MAP3K5: variants seen among roughly 807,000 people sequenced by gnomAD.
The protein encoded by MAP3K5 is mitogen-activated protein kinase kinase kinase 5, also known as ASK-1.
In MAP3K5, 56 loss-of-function variants were observed where a neutral mutation model predicts 158.7. That is an observed-to-expected ratio of 0.35 (90% CI 0.28 to 0.44). The LOEUF (loss-of-function observed/expected upper bound fraction) is 0.44. Among genes scored for constraint, MAP3K5 ranks in the 20% least tolerant of loss-of-function variants. The pLI, the probability that MAP3K5 is intolerant of heterozygous loss-of-function variation, is 1.00. For synonymous variants in MAP3K5, 579 were observed against 601.7 expected, an observed-to-expected ratio of 0.96 and a Z score of 0.55; for missense variants, 1,294 against 1,674.8, an observed-to-expected ratio of 0.77 and a Z score of 3.97.
At chr6:136,631,517 T>A (rs1777351182) in intron 14 of MAP3K5, among the ~76,000 whole-genome samples, 1 of 151,920 alleles carries the variant, frequency 6.6e-6, no homozygotes, top group Non-Finnish European at 1.5e-5. Context: ...ACTTTTTTTT[T>A]TCTTTTTTTT....
In MAP3K5 at chr6:136,705,205, A is replaced by G. The variant is rs554483508; in HGVS notation, c.589-72T>C. ...ATAATTCAACAACATTTATTGAACT[A>G]TGTGGGAAAATTTGTATTAACAATG... On this transcript the variant is annotated intron_variant, in intron 2 of 29. Coordinates refer to ENST00000359015, the MANE Select transcript of MAP3K5 (RefSeq NM_005923.4). 1.3e-5 allele frequency: 9 copies of G among 710,048 alleles called. No homozygotes were observed. The Admixed American group carries it at 2.5e-4, about 19-fold the overall frequency. The allele number at this position is 710,048 out of a possible 1,614,324, so 44.0% of individuals were successfully genotyped here. A position where few individuals can be genotyped will look rare whatever the true frequency, so the allele number is the denominator to read the frequency against.
chr6:136,612,970 G>T, intron 17 of MAP3K5, 150 bp downstream of exon 17: 1 of 713,630 alleles, frequency 1.4e-6, no homozygotes, highest in Non-Finnish European at 2.2e-6. Context: ...AACTGATTCA[G>T]GGTTGAACGA....
At chr6:136,792,722 G>C (rs1216444220), upstream of MAP3K5, among the ~76,000 whole-genome samples, 1 of 152,196 alleles carries the variant, frequency 6.6e-6, no homozygotes, top group African/African-American at 2.4e-5. The surrounding 1 kb of genome is among the most constrained non-coding windows in gnomAD (Gnocchi z 5.7). Flanking sequence ...CTCCCTCTTA[G>C]GCGGCAGCTC....
At chr6:136,635,242 C>T (rs1010903045) in intron 14 of MAP3K5, among the ~76,000 whole-genome samples, 5 of 151,420 alleles carry the variant, frequency 3.3e-5, no homozygotes, top group African/African-American at 1.2e-4. Flanking sequence ...TTTTCAATTT[C>T]TTTAAGTTTT....
intron 1 of MAP3K5, among the ~76,000 whole-genome samples, chr6:136,747,619 G>A (rs1429172744): frequency 6.6e-6 from 1 of 152,162 alleles, no homozygotes; most frequent in Non-Finnish European, 1.5e-5. Flanking sequence ...ATGGATTGAA[G>A]AATAAGTGGG....
At chr6:136,666,952 A>C (rs1241414745) in intron 8 of MAP3K5, among the ~76,000 whole-genome samples, 1 of 152,244 alleles carries the variant, frequency 6.6e-6, no homozygotes, top group Non-Finnish European at 1.5e-5. Context: ...ATGTATTACA[A>C]GTGAGTTCTT....
intron 1 of MAP3K5, among the ~76,000 whole-genome samples, chr6:136,772,238 G>A (rs184837462): frequency 4.1e-4 from 62 of 150,698 alleles, no homozygotes; most frequent in Middle Eastern, 3.4e-3. Flanking sequence ...ATTATTTTGA[G>A]GGGGGGGGAG....
At chr6:136,619,899 C>T (rs1776726943) in intron 15 of MAP3K5, among the ~76,000 whole-genome samples, 1 of 152,190 alleles carries the variant, frequency 6.6e-6, no homozygotes, top group African/African-American at 2.4e-5. Flanking sequence ...GGAGGTTAGC[C>T]TGAGCAGCTG....
chr6:136,638,825 A>G (rs567049982), intron 13 of MAP3K5, among the ~76,000 whole-genome samples: 45 of 152,366 alleles, frequency 3.0e-4, no homozygotes, highest in African/African-American at 1.0e-3. Context: ...AATTATTTAA[A>G]TAAGAACAAT....
intron 8 of MAP3K5, among the ~76,000 whole-genome samples, chr6:136,664,908 G>A (rs1176701128): frequency 1.3e-5 from 2 of 152,062 alleles, no homozygotes; most frequent in Non-Finnish European, 2.9e-5. Flanking sequence ...TCCAGACCTG[G>A]GTGACAAGAG....
chr6:136,608,611 C>T (rs1776201995), intron 18 of MAP3K5, among the ~76,000 whole-genome samples: 1 of 152,092 alleles, frequency 6.6e-6, no homozygotes, highest in Non-Finnish European at 1.5e-5. Flanking sequence ...AATTAATTCC[C>T]TTTGGCCTGT....
chr6:136,786,800 CTTT>C (rs11296757), intron 1 of MAP3K5, among the ~76,000 whole-genome samples: 21 of 101,130 alleles, frequency 2.1e-4, no homozygotes, highest in African/African-American at 4.9e-4. Flanking sequence ...TTAAGTTCTT[CTTT>C]TTTTTTTTTT....
chr6:136,767,319 T>TAGAAAGGAAGGAAGAAA (rs1352798589), intron 1 of MAP3K5, among the ~76,000 whole-genome samples: 2 of 131,268 alleles, frequency 1.5e-5, no homozygotes, highest in Non-Finnish European at 3.2e-5. Context: ...GGAGAGAGAA[T>TAGAAAGGAAGGAAGAAA]AGAAAGGAAG....
chr6:136,590,674 G>A (rs1775345065), intron 23 of MAP3K5, among the ~76,000 whole-genome samples: 2 of 151,950 alleles, frequency 1.3e-5, no homozygotes, highest in Non-Finnish European at 2.9e-5. Context: ...CCACGTAGCT[G>A]GGACTACAGG....
intron 8 of MAP3K5, among the ~76,000 whole-genome samples, chr6:136,667,726 C>T (rs1431933874): frequency 6.6e-6 from 1 of 151,530 alleles, no homozygotes; most frequent in South Asian, 2.1e-4. Flanking sequence ...TGGTATATGC[C>T]TGTAGTCTCA....
intron 15 of MAP3K5, among the ~76,000 whole-genome samples, chr6:136,616,356 G>A (rs920809925): frequency 6.7e-6 from 1 of 149,636 alleles, no homozygotes; most frequent in South Asian, 2.1e-4. Flanking sequence ...CCAGGCTGGG[G>A]TGCAATGGCG....
At chr6:136,737,354 G>GT (rs1199435925) in intron 1 of MAP3K5, among the ~76,000 whole-genome samples, 1 of 152,006 alleles carries the variant, frequency 6.6e-6, no homozygotes, top group Non-Finnish European at 1.5e-5. Context: ...AATTCACCCC[G>GT]TAACAAACCT....
chr6:136,668,998 T>C (rs958034662), intron 8 of MAP3K5, among the ~76,000 whole-genome samples: 2 of 152,040 alleles, frequency 1.3e-5, no homozygotes, highest in African/African-American at 2.4e-5. Flanking sequence ...GAGTTGGGGG[T>C]TGAATGCAGA....
At chr6:136,558,568 T>C (rs1830357685) in intron 29 of MAP3K5, among the ~76,000 whole-genome samples, 1 of 152,142 alleles carries the variant, frequency 6.6e-6, no homozygotes, top group East Asian at 1.9e-4. Context: ...CTGCATCTTA[T>C]TCAAAAAAAT....
Sources: gnomAD v4.1 joint callset for allele counts (sites outside exome capture counted in the v4.1 genomes callset) on GRCh38, gnomAD v4.1.1 for gene constraint, Gnocchi (gnomAD v3.1) non-coding constraint, MANE v1.5 for transcripts, NCBI Gene and HGNC (gene_info 2026-07-23, HGNC 2026-07-21) for gene names.